The following LIMCH1 variants were observed in gnomAD, a reference collection of about 807,000 sequenced individuals.
LIMCH1 encodes the protein LIM and calponin homology domains 1.
LIMCH1 carries 113 observed loss-of-function variants against 176.5 expected under a neutral mutation model. That is an observed-to-expected ratio of 0.64 (90% CI 0.55 to 0.75). LIMCH1 has a LOEUF of 0.75. Among genes scored for constraint, LIMCH1 ranks in the 30% least tolerant of loss-of-function variants. The pLI is 0.00. For missense variants in LIMCH1, 1,674 were observed against 1,814.9 expected (o/e 0.92, Z 1.41); for synonymous variants, 619 against 645.9 (o/e 0.96, Z 0.63).
chr4:41,453,089 G>C (rs981700138), intron 1 of LIMCH1, among the ~76,000 whole-genome samples: 1 of 152,106 alleles, frequency 6.6e-6, no homozygotes, highest in Non-Finnish European at 1.5e-5. Flanking sequence ...GTTGTTTATC[G>C]GTGGCCAGGT....
At chr4:41,610,634 C>A (rs2091308438) in intron 4 of LIMCH1, among the ~76,000 whole-genome samples, 1 of 152,168 alleles carries the variant, frequency 6.6e-6, no homozygotes, top group Admixed American at 6.5e-5. Flanking sequence ...ACCCTCCCAG[C>A]AACTCTGTGA....
At chr4:41,503,168 G>GA (rs1430704488) in intron 2 of LIMCH1, among the ~76,000 whole-genome samples, 5 of 152,096 alleles carry the variant, frequency 3.3e-5, no homozygotes, top group South Asian at 2.1e-4. Flanking sequence ...ATCCCAGCAG[G>GA]AAAAAAGAGA....
intron 1 of LIMCH1, among the ~76,000 whole-genome samples, chr4:41,466,694 T>C (rs2066166066): frequency 6.6e-6 from 1 of 152,238 alleles, no homozygotes; most frequent in Non-Finnish European, 1.5e-5. Context: ...GTTCAGTACA[T>C]ATTTTCGGAA....
At chr4:41,573,889 T>A (rs1399148565) in intron 1 of LIMCH1, among the ~76,000 whole-genome samples, 1 of 152,186 alleles carries the variant, frequency 6.6e-6, no homozygotes, top group Non-Finnish European at 1.5e-5. Flanking sequence ...TAAAAGCCAA[T>A]GGCTATTAGG....
At chr4:41,419,600 T>TTCCTTCCTTCCTTCCTTCCG in intron 1 of LIMCH1, among the ~76,000 whole-genome samples, 1 of 69,288 alleles carries the variant, frequency 1.4e-5, no homozygotes, top group Non-Finnish European at 2.6e-5. Flanking sequence ...CCTTCCTTCC[T>TTCCTTCCTTCCTTCCTTCCG]TCCGTCCTTC....
chr4:41,496,401 C>G (rs1482070568), intron 2 of LIMCH1, among the ~76,000 whole-genome samples: 2 of 152,160 alleles, frequency 1.3e-5, no homozygotes, highest in African/African-American at 4.8e-5. Context: ...GCAGGCCCAG[C>G]AAAGAGTTTG....
rs2078188507 is a variant in LIMCH1, at chr4:41,538,370, A to G, written c.-241+20A>G. On this transcript the variant is annotated intron_variant, in intron 1 of 31. Transcript: ENST00000503057. The stretch of plus-strand genomic sequence containing the variant: ...GTGGGGGTAAGTAAAATTCATTATA[A>G]AAGAAATACATGCTTAGGGGTATCC... 5.1e-6 allele frequency: 5 copies of G among 981,466 alleles called. No homozygotes were observed. Among genetic ancestry groups the G allele is most frequent in the Middle Eastern group, 5.2e-4 (1 of 1,932 alleles). 60.8% of individuals were successfully genotyped at this position (981,466 alleles called of 1,614,324 possible). A position where few individuals can be genotyped will look rare whatever the true frequency, so the allele number is the denominator to read the frequency against.
intron 28 of LIMCH1, 108 bp from the exon 29 acceptor site, chr4:41,687,732 C>A: frequency 1.5e-6 from 1 of 648,840 alleles, no homozygotes; most frequent in South Asian, 2.6e-5. Context: ...ATTTGGTTGT[C>A]ACAAAAGTTT....
chr4:41,450,823 A>AT (rs969485151), intron 1 of LIMCH1, among the ~76,000 whole-genome samples: 2 of 145,172 alleles, frequency 1.4e-5, no homozygotes, highest in African/African-American at 5.0e-5. Flanking sequence ...AAAAAAAAAA[A>AT]GTTGTAGGGG....
At chr4:41,569,543 C>T (rs114748829) in intron 1 of LIMCH1, among the ~76,000 whole-genome samples, 124 of 152,226 alleles carry the variant, frequency 8.1e-4, no homozygotes, top group African/African-American at 2.7e-3. Flanking sequence ...ATAGGAGGGT[C>T]GGCCCTCAAC....
chr4:41,399,650 A>G (rs1179304363), intron 1 of LIMCH1, among the ~76,000 whole-genome samples: 1 of 150,058 alleles, frequency 6.7e-6, no homozygotes, highest in African/African-American at 2.5e-5. Context: ...TTACTCAGCT[A>G]ACTTTACTTG....
intron 1 of LIMCH1, among the ~76,000 whole-genome samples, chr4:41,556,861 A>C (rs958390066): frequency 3.3e-5 from 5 of 152,144 alleles, no homozygotes; most frequent in Admixed American, 1.3e-4. Flanking sequence ...AAATCATATA[A>C]CTGCTGTTCT....
At chr4:41,631,765 T>C (rs2093338557) in intron 10 of LIMCH1, among the ~76,000 whole-genome samples, 1 of 152,214 alleles carries the variant, frequency 6.6e-6, no homozygotes, top group Non-Finnish European at 1.5e-5. Flanking sequence ...ATTTTATTAG[T>C]TGAAAATACC....
intron 3 of LIMCH1, among the ~76,000 whole-genome samples, chr4:41,527,555 G>A (rs1050523225): frequency 4.6e-5 from 7 of 152,150 alleles, no homozygotes; most frequent in African/African-American, 1.4e-4. Flanking sequence ...GTCCTCGGCC[G>A]GGCGTGGTGG....
chr4:41,646,990 T>A, intron 17 of LIMCH1, 97 bp downstream of exon 17: 1 of 1,179,156 alleles, frequency 8.5e-7, no homozygotes, highest in Non-Finnish European at 1.2e-6. Flanking sequence ...CTTTTTACCA[T>A]ACAAAAGAAA....
At chr4:41,682,740 G>A (rs1451137049) in intron 26 of LIMCH1, among the ~76,000 whole-genome samples, 1 of 146,316 alleles carries the variant, frequency 6.8e-6, no homozygotes, top group Non-Finnish European at 1.5e-5. Context: ...GCCATGGTAC[G>A]ATCTTGGCTC....
intron 2 of LIMCH1, among the ~76,000 whole-genome samples, chr4:41,509,579 T>G (rs73233710): frequency 0.045 from 6,860 of 152,266 alleles, 189 homozygotes; most frequent in East Asian, 0.11. Context: ...TAAGTTCAAG[T>G]GAGGACATTT....
intron 4 of LIMCH1, among the ~76,000 whole-genome samples, chr4:41,611,607 T>C (rs1339884653): frequency 6.6e-6 from 1 of 152,218 alleles, no homozygotes; most frequent in Non-Finnish European, 1.5e-5. Context: ...CTGTGTGACC[T>C]CAGTCAAGTT....
Position 41,419,669 on chromosome 4 carries a change from CT to C in LIMCH1, c.96+58735del, listed in dbSNP as rs1371621786. 6.3e-4 allele frequency among the ~76,000 whole-genome samples: 59 copies of C among 92,960 alleles called. 1 individual carries two copies. The highest frequency in any genetic ancestry group is 6.8e-3 in the Middle Eastern group (1 of 148). The allele number at this position is 92,960 out of a possible 152,430, so 61.0% of individuals were successfully genotyped here. A position where few individuals can be genotyped will look rare whatever the true frequency, so the allele number is the denominator to read the frequency against. On this transcript the variant is annotated intron_variant, in intron 1 of 26. Transcript: ENST00000313860. ...TTCTTCCTCCTTCCTTCCTTCCTTC[CT>C]TCCTTCCTTCCTCCTTCCTTCCTTC...
Sources: allele counts gnomAD v4.1 joint callset (sites outside exome capture counted in the v4.1 genomes callset), GRCh38; gene constraint gnomAD v4.1.1; transcripts MANE v1.5; gene names NCBI Gene and HGNC (gene_info 2026-07-23, HGNC 2026-07-21).